MARCHF11: variants seen among roughly 807,000 people sequenced by gnomAD.
The protein encoded by MARCHF11 is membrane associated ring-CH-type finger 11.
MARCHF11 carries 29 observed loss-of-function variants against 37.3 expected under a neutral mutation model. The ratio of observed to expected loss-of-function variants is 0.78; its 90% CI spans 0.58 to 1.06. The LOEUF (loss-of-function observed/expected upper bound fraction) is 1.06, where lower values mean the gene tolerates loss of function less well. Ranked by LOEUF, MARCHF11 falls within the 50% of genes least tolerant of loss-of-function variation. The pLI is 0.00. For missense variants in MARCHF11, 482 were observed against 533.4 expected (o/e 0.90, Z 0.95); for synonymous variants, 233 against 228.0 (o/e 1.02, Z -0.20).
chr5:16,171,158 G>A (rs917707368), intron 2 of MARCHF11, among the ~76,000 whole-genome samples: 2 of 151,716 alleles, frequency 1.3e-5, no homozygotes, highest in Non-Finnish European at 2.9e-5. Context: ...ACATTGTGCA[G>A]GTTAGTTACA....
At chr5:16,135,918 G>C (rs1484747425) in intron 2 of MARCHF11, among the ~76,000 whole-genome samples, 1 of 146,570 alleles carries the variant, frequency 6.8e-6, no homozygotes, top group Non-Finnish European at 1.5e-5. Flanking sequence ...GAGGGAAAGA[G>C]AAAGAAATAA....
intron 3 of MARCHF11, among the ~76,000 whole-genome samples, chr5:16,087,830 C>T (rs902299964): frequency 6.6e-6 from 1 of 152,164 alleles, no homozygotes; most frequent in Admixed American, 6.6e-5. Context: ...CCCAAGTAAA[C>T]AAATGTTCTC....
chr5:16,162,357 C>CCATTTTTTTGG (rs1738095043), intron 2 of MARCHF11, among the ~76,000 whole-genome samples: 1 of 151,868 alleles, frequency 6.6e-6, no homozygotes, highest in Non-Finnish European at 1.5e-5. Context: ...AAATATTGAC[C>CCATTTTTTTGG]TCTCCAGTTC....
chr5:16,165,183 G>A (rs924623882), intron 2 of MARCHF11, among the ~76,000 whole-genome samples: 3 of 151,988 alleles, frequency 2.0e-5, no homozygotes, highest in African/African-American at 7.2e-5. Flanking sequence ...AATCTCAGAC[G>A]TCACCTCCTC....
At chr5:16,164,702 C>A (rs1738141390) in intron 2 of MARCHF11, among the ~76,000 whole-genome samples, 1 of 152,058 alleles carries the variant, frequency 6.6e-6, no homozygotes, top group South Asian at 2.1e-4. Flanking sequence ...AAGTTAAAGT[C>A]CACATGTTTT....
chr5:16,091,227 G>T, intron 2 of MARCHF11, 146 bp from the exon 3 acceptor site: 1 of 580,210 alleles, frequency 1.7e-6, no homozygotes, highest in Non-Finnish European at 2.8e-6. Flanking sequence ...ATTTCATCCA[G>T]GCTATAAAAA....
At chr5:16,068,025 A>G (rs1560965156) in intron 3 of MARCHF11, among the ~76,000 whole-genome samples, 2 of 152,234 alleles carry the variant, frequency 1.3e-5, no homozygotes, top group South Asian at 2.1e-4. Flanking sequence ...GAATCAAGCT[A>G]TTGTGGATAT....
chr5:16,151,588 T>C (rs1444096969), intron 2 of MARCHF11, among the ~76,000 whole-genome samples: 3 of 147,918 alleles, frequency 2.0e-5, no homozygotes, highest in African/African-American at 7.6e-5. Flanking sequence ...CCTGACAGCT[T>C]ATAGTTGTGT....
intron 2 of MARCHF11, among the ~76,000 whole-genome samples, chr5:16,140,145 G>A (rs1737677874): frequency 6.6e-6 from 1 of 152,076 alleles, no homozygotes; most frequent in African/African-American, 2.4e-5. Flanking sequence ...TGGAATCTCT[G>A]TATACAGCCA....
At chr5:16,150,652 C>T (rs1304100317) in intron 2 of MARCHF11, among the ~76,000 whole-genome samples, 1 of 136,956 alleles carries the variant, frequency 7.3e-6, no homozygotes, top group Non-Finnish European at 1.5e-5. Context: ...AATTTCCTCT[C>T]ATGCTCACCT....
rs1738440793 is a variant in MARCHF11 at position 16,179,654 on chromosome 5, G to A, written c.-79C>T. On this transcript the variant is annotated 5_prime_UTR_variant, in exon 1 of 4. Coordinates refer to ENST00000332432, the MANE Select transcript of MARCHF11 (RefSeq NM_001102562.3). ...TGCAGGGAAAGAGAGCGCGGAGGGG[G>A]CGGGAGGGAGAGGGGAAAAGGAGGG... 2.9e-6 allele frequency: 3 copies of A among 1,048,116 alleles called. No homozygotes were observed. The highest frequency in any genetic ancestry group is 3.5e-6 in the Non-Finnish European group (3 of 856,278). The allele number at this position is 1,048,116 out of a possible 1,614,324, so 64.9% of individuals were successfully genotyped here.
chr5:16,089,843 G>T (rs1006904767), intron 3 of MARCHF11, among the ~76,000 whole-genome samples: 6 of 152,082 alleles, frequency 3.9e-5, no homozygotes, highest in Admixed American at 1.3e-4. Flanking sequence ...GACTTGCATG[G>T]TTGGAATTAT....
At chr5:16,176,143 A>C (rs547905634) in intron 2 of MARCHF11, among the ~76,000 whole-genome samples, 2 of 151,416 alleles carry the variant, frequency 1.3e-5, no homozygotes, top group African/African-American at 4.9e-5. Context: ...TAAAATGTCC[A>C]TCAAGTACTT....
At chr5:16,082,420 T>C (rs1369440639) in intron 3 of MARCHF11, among the ~76,000 whole-genome samples, 2 of 152,188 alleles carry the variant, frequency 1.3e-5, no homozygotes, top group African/African-American at 2.4e-5. Context: ...GCAACAGTCA[T>C]GTCTGTGTGA....
chr5:16,171,095 TTTTATTTA>T (rs761405833), intron 2 of MARCHF11, among the ~76,000 whole-genome samples: 1 of 152,070 alleles, frequency 6.6e-6, no homozygotes, highest in Non-Finnish European at 1.5e-5. Context: ...ATAGCATTTC[TTTTATTTA>T]TTTATTTATT....
At chr5:16,172,059 A>G (rs1381751477) in intron 2 of MARCHF11, among the ~76,000 whole-genome samples, 2 of 152,334 alleles carry the variant, frequency 1.3e-5, no homozygotes, top group South Asian at 2.1e-4. Context: ...GTTTAAAAGC[A>G]AATACCATGG....
At chr5:16,142,689 C>CTTTTTT (rs11369577) in intron 2 of MARCHF11, among the ~76,000 whole-genome samples, 4 of 110,332 alleles carry the variant, frequency 3.6e-5, no homozygotes, top group Non-Finnish European at 5.2e-5. Context: ...TATATTTTAT[C>CTTTTTT]TTTTTTTTTT....
intron 2 of MARCHF11, among the ~76,000 whole-genome samples, chr5:16,159,050 T>C (rs1738030022): frequency 5.3e-5 from 8 of 151,940 alleles, no homozygotes; most frequent in Admixed American, 5.3e-4. Context: ...AGTGTATGCA[T>C]ATTCCAAAAT....
intron 2 of MARCHF11, chr5:16,141,406 A>G (rs1015885109): frequency 3.3e-5 from 5 of 151,860 alleles, no homozygotes; most frequent in Non-Finnish European, 5.9e-5. Context: ...AGCAGTCAAC[A>G]CTCCCAAAGT....
Sources: allele counts gnomAD v4.1 joint callset (sites outside exome capture counted in the v4.1 genomes callset), GRCh38; gene constraint gnomAD v4.1.1; transcripts MANE v1.5; gene names NCBI Gene and HGNC (gene_info 2026-07-23, HGNC 2026-07-21).